KIF26B: variants seen among roughly 807,000 people sequenced by gnomAD.
KIF26B encodes kinesin-like protein KIF26B.
KIF26B carries 63 observed loss-of-function variants against 151.2 expected under a neutral mutation model. The observed-to-expected ratio is 0.42, with a 90% confidence interval of 0.34 to 0.51. The LOEUF is 0.51. Among genes scored for constraint, KIF26B ranks in the 20% least tolerant of loss-of-function variants. The pLI is 0.07. For synonymous variants in KIF26B, 1,357 were observed against 1,262.1 expected (o/e 1.08, Z -1.59); for missense variants, 2,813 against 2,913.6 (o/e 0.97, Z 0.79).
intron 4 of KIF26B, among the ~76,000 whole-genome samples, chr1:245,472,721 A>G (rs1185653626): frequency 6.6e-6 from 1 of 152,186 alleles, no homozygotes; most frequent in Non-Finnish European, 1.5e-5. Flanking sequence ...TTGCCCTCGG[A>G]TAACTCCAGT....
chr1:245,363,989 A>G (rs1470123221), intron 2 of KIF26B, among the ~76,000 whole-genome samples: 1 of 152,100 alleles, frequency 6.6e-6, no homozygotes, highest in South Asian at 2.1e-4. Context: ...AGCTCCATGT[A>G]TGTACGGATT....
intron 2 of KIF26B, among the ~76,000 whole-genome samples, chr1:245,365,530 C>T (rs1467494040): frequency 6.6e-6 from 1 of 151,688 alleles, no homozygotes; most frequent in East Asian, 1.9e-4. Flanking sequence ...CACCAGCCTA[C>T]AGCTCAGCAA....
rs1668693946 is a variant in KIF26B, at chr1:245,170,708, A to G, written c.465+14025A>G. Among the ~76,000 whole-genome samples the G allele has an allele frequency of 6.6e-6, 1 of 152,142 alleles. No individual in the cohort carries two copies. The highest frequency in any genetic ancestry group is 2.4e-5 in the African/African-American group (1 of 41,440). On this transcript the variant is annotated intron_variant, in intron 2 of 14. Coordinates refer to ENST00000407071, the MANE Select transcript of KIF26B (RefSeq NM_018012.4). This position sits in a 1 kb window ranked among gnomAD's most constrained non-coding sequence, Gnocchi z 4.4. ...CTAGCTCTCCAGGGTCTGTTTTGTA[A>G]GGGCAGGAATCCCAATTATGAGAGC...
Position 245,470,532 on chromosome 1 carries a change from G to A in KIF26B, c.1166+50787G>A, listed in dbSNP as rs191330458. ...TGCAAGCTCCGCCTCCCGGGTTCAC[G>A]CCATTCTCCTGCCTCAGCCTCCCGA... On this transcript the variant is annotated intron_variant, in intron 4 of 14. Transcript: ENST00000407071. 6.0e-3 allele frequency among the ~76,000 whole-genome samples: 907 copies of A among 152,018 alleles called. 10 individuals carry two copies. Among genetic ancestry groups the A allele is most frequent in the African/African-American group, 0.021 (865 of 41,444 alleles).
At chr1:245,406,401 A>T (rs766137001) in intron 3 of KIF26B, among the ~76,000 whole-genome samples, 2 of 152,202 alleles carry the variant, frequency 1.3e-5, no homozygotes, top group Non-Finnish European at 2.9e-5. Context: ...TGGCTGTGGT[A>T]TGGAGTGGCT....
rs182529391 is a variant in KIF26B at position 245,521,905 on chromosome 1, A to G, written c.1167-18862A>G. On this transcript the variant is annotated intron_variant, in intron 4 of 14. Coordinates refer to ENST00000407071, the MANE Select transcript of KIF26B (RefSeq NM_018012.4). ...TTTTGAGATGGAGTCTTGCTCTGTC[A>G]CCCAGGCTGGATGGAGTGCAGTGGT... Among the ~76,000 whole-genome samples the G allele has an allele frequency of 4.3e-3, 634 of 146,132 alleles. 4 individuals carry two copies. Among genetic ancestry groups the G allele is most frequent in the Non-Finnish European group, 7.3e-3 (471 of 64,470 alleles).
Position 245,628,268 on chromosome 1 carries a change from A to G in KIF26B, c.2098+16292A>G, listed in dbSNP as rs553793419. On this transcript the variant is annotated intron_variant, in intron 9 of 14. Transcript: ENST00000407071. ...GGGAGCCAAGCAGGTGGATCACTTG[A>G]GGTCAGGAGTTCGAGACCAGCCTGC... Among the ~76,000 whole-genome samples, 6 of 152,290 alleles carry G rather than the reference A, an allele frequency of 3.9e-5. No homozygotes were observed. The East Asian group carries it at 1.2e-3, about 29-fold the overall frequency.
Position 245,428,776 on chromosome 1 carries a change from A to G in KIF26B, c.1166+9031A>G, listed in dbSNP as rs112778232. Among the ~76,000 whole-genome samples, 209 of 152,212 alleles carry G rather than the reference A, an allele frequency of 1.4e-3. 1 individual carries two copies. The highest frequency in any genetic ancestry group is 4.8e-3 in the African/African-American group (199 of 41,514). On this transcript the variant is annotated intron_variant, in intron 4 of 14. Coordinates refer to ENST00000407071, the MANE Select transcript of KIF26B (RefSeq NM_018012.4). ...CTGGCGGCCGGTTGGGGTGTTGGCAATTGGCTCCCAACATCTGGGAATCAT... is the reference window on the plus strand; with the variant it reads ...CTGGCGGCCGGTTGGGGTGTTGGCAGTTGGCTCCCAACATCTGGGAATCAT...
chr1:245,389,859 C>T (rs186589776), intron 3 of KIF26B, among the ~76,000 whole-genome samples: 1 of 152,322 alleles, frequency 6.6e-6, no homozygotes, highest in Admixed American at 6.5e-5. Flanking sequence ...CATTAATATT[C>T]ATCTCCCTAT....
intron 2 of KIF26B, among the ~76,000 whole-genome samples, chr1:245,329,266 C>T (rs999647108): frequency 1.3e-5 from 2 of 152,158 alleles, no homozygotes; most frequent in Admixed American, 6.5e-5. Flanking sequence ...CGTTCTAACT[C>T]GAGAATTGCC....
chr1:245,477,928 TG>T (rs1173435073), intron 4 of KIF26B, among the ~76,000 whole-genome samples: 2 of 151,804 alleles, frequency 1.3e-5, no homozygotes, highest in Non-Finnish European at 2.9e-5. Context: ...GTCATCATAC[TG>T]TGCAAGCAGA....
chr1:245,405,189 G>A (rs1468748373), intron 3 of KIF26B, among the ~76,000 whole-genome samples: 1 of 152,294 alleles, frequency 6.6e-6, no homozygotes, highest in South Asian at 2.1e-4. Flanking sequence ...ACTGTGACAA[G>A]CTGTTCTTTG....
At chr1:245,382,112 G>C (rs973201851) in intron 3 of KIF26B, among the ~76,000 whole-genome samples, 2 of 152,100 alleles carry the variant, frequency 1.3e-5, no homozygotes, top group Non-Finnish European at 2.9e-5. Context: ...GTCAAATGGT[G>C]GTTCTGTTTT....
At chr1:245,546,279 C>T (rs192060330) in intron 5 of KIF26B, among the ~76,000 whole-genome samples, 16 of 152,234 alleles carry the variant, frequency 1.1e-4, no homozygotes, top group Admixed American at 3.9e-4. Context: ...TGCAATGGCA[C>T]GATCTTGGCT....
chr1:245,635,968 TC>T, intron 9 of KIF26B, among the ~76,000 whole-genome samples: 1 of 152,176 alleles, frequency 6.6e-6, no homozygotes, highest in East Asian at 1.9e-4. Context: ...CTAATTTAAT[TC>T]CATTGTATCA....
At chr1:245,466,513 A>G (rs1204600621) in intron 4 of KIF26B, among the ~76,000 whole-genome samples, 1 of 152,242 alleles carries the variant, frequency 6.6e-6, no homozygotes, top group Non-Finnish European at 1.5e-5. Flanking sequence ...AAAGATTTTC[A>G]ATGACAAACG....
chr1:245,211,210 G>A (rs1300944389), intron 2 of KIF26B, among the ~76,000 whole-genome samples: 2 of 152,116 alleles, frequency 1.3e-5, no homozygotes, highest in Non-Finnish European at 2.9e-5. Context: ...AGCAGTCACC[G>A]CAAGATCCCC....
chr1:245,672,937 T>C (rs926591981), intron 10 of KIF26B, among the ~76,000 whole-genome samples: 1 of 152,188 alleles, frequency 6.6e-6, no homozygotes, highest in East Asian at 1.9e-4. Flanking sequence ...AAGCACCATC[T>C]TGTACCGCTT....
At chr1:245,672,812 G>A (rs2044304788) in intron 10 of KIF26B, among the ~76,000 whole-genome samples, 1 of 152,082 alleles carries the variant, frequency 6.6e-6, no homozygotes, top group Non-Finnish European at 1.5e-5. Context: ...AATGTGGAGG[G>A]ATAAGAGAGT....
Sources: allele counts gnomAD v4.1 joint callset (sites outside exome capture counted in the v4.1 genomes callset), GRCh38; gene constraint gnomAD v4.1.1; non-coding constraint Gnocchi (gnomAD v3.1); transcripts MANE v1.5; gene names NCBI Gene and HGNC (gene_info 2026-07-23, HGNC 2026-07-21).